MAN1A2: variants seen among roughly 807,000 people sequenced by gnomAD.
MAN1A2 encodes mannosidase alpha class 1A member 2, also known as mannosyl-oligosaccharide 1,2-alpha-mannosidase IB.
In MAN1A2, 26 loss-of-function variants were observed where a neutral mutation model predicts 75.7. The observed-to-expected ratio is 0.34, with a 90% CI of 0.25 to 0.48. The LOEUF (loss-of-function observed/expected upper bound fraction) is 0.48, where lower values mean the gene tolerates loss of function less well. MAN1A2 is among the 20% of genes least tolerant of loss of function. The pLI is 0.99. For synonymous variants in MAN1A2, 247 were observed against 264.6 expected (o/e 0.93, Z 0.65); for missense variants, 562 against 775.5 (o/e 0.72, Z 3.27).
chr1:117,500,719 T>C (rs1651174571), intron 11 of MAN1A2, among the ~76,000 whole-genome samples: 1 of 151,858 alleles, frequency 6.6e-6, no homozygotes, highest in East Asian at 1.9e-4. Context: ...CTGCTTTTCC[T>C]TGGCCCCTTG....
rs1008924624 is a variant in MAN1A2, at chr1:117,526,504, G to A, written c.*3547G>A. 7 of 151,602 alleles carry A rather than the reference G, an allele frequency of 4.6e-5. No homozygotes were observed. The highest frequency in any genetic ancestry group is 1.0e-4 in the Non-Finnish European group (7 of 67,724). The allele number at this position is 151,602 out of a possible 1,614,324, so 9.4% of individuals were successfully genotyped here. On this transcript the variant is annotated 3_prime_UTR_variant, in exon 13 of 13. Coordinates refer to ENST00000356554, the MANE Select transcript of MAN1A2 (RefSeq NM_006699.5). ...TCTTGAAAATGTCAAAGAAATACTT[G>A]ATTTCTGATGCAACTTTGACTAAAA...
At chr1:117,460,364 A>G in intron 6 of MAN1A2, 125 bp from the exon 7 acceptor site, 1 of 561,384 alleles carries the variant, frequency 1.8e-6, no homozygotes, top group Non-Finnish European at 3.0e-6. Flanking sequence ...TTTTAGATAT[A>G]AATAAGCTAT....
At chr1:117,458,510 TAGA>T (rs1649691310) in intron 6 of MAN1A2, among the ~76,000 whole-genome samples, 9 of 95,330 alleles carry the variant, frequency 9.4e-5, no homozygotes, top group South Asian at 3.8e-4. Context: ...TATATATATA[TAGA>T]TATATATATA....
chr1:117,488,815 ATTAC>A (rs1363047452), intron 8 of MAN1A2, among the ~76,000 whole-genome samples: 1 of 152,106 alleles, frequency 6.6e-6, no homozygotes, highest in African/African-American at 2.4e-5. Context: ...TCCCCCATTT[ATTAC>A]TTTCTACAAC....
chr1:117,518,892 C>T (rs773652429), intron 12 of MAN1A2, among the ~76,000 whole-genome samples: 53 of 152,024 alleles, frequency 3.5e-4, no homozygotes, highest in Middle Eastern at 3.2e-3. Flanking sequence ...ACATTCTATT[C>T]AAGAGTGCAT....
Position 117,424,097 on chromosome 1 carries a change from T to A in MAN1A2, c.855+3448T>A, listed in dbSNP as rs116704443. Among the ~76,000 whole-genome samples the A allele has an allele frequency of 4.6e-3, 699 of 152,290 alleles. 7 individuals are homozygous for A. The highest frequency in any genetic ancestry group is 0.016 in the African/African-American group (666 of 41,540). On this transcript the variant is annotated intron_variant, in intron 5 of 12. Transcript: ENST00000356554. ...AGCTTTAAAATATACTTTAATAGAT[T>A]CTTCAGGATTTACCTTATAAACAAT...
chr1:117,441,494 G>GTT (rs2101812433), intron 5 of MAN1A2, among the ~76,000 whole-genome samples: 1 of 152,230 alleles, frequency 6.6e-6, no homozygotes, highest in East Asian at 1.9e-4. Context: ...TTATGACCCA[G>GTT]TCACAGTTTG....
intron 1 of MAN1A2, among the ~76,000 whole-genome samples, chr1:117,376,878 C>T (rs778267572): frequency 4.6e-5 from 7 of 152,126 alleles, no homozygotes; most frequent in Non-Finnish European, 1.0e-4. Context: ...ATTGCATTTA[C>T]ATTATATTAG....
At chr1:117,375,079 G>A (rs914246441) in intron 1 of MAN1A2, among the ~76,000 whole-genome samples, 2 of 152,016 alleles carry the variant, frequency 1.3e-5, no homozygotes, top group Non-Finnish European at 2.9e-5. Flanking sequence ...TGAATGTAGT[G>A]GGTATATTTA....
At position 117,526,601 on chromosome 1, in the gene MAN1A2, T is replaced by C. The variant is rs915565479; in HGVS notation, c.*3644T>C. 6 of 151,358 alleles carry C rather than the reference T, an allele frequency of 4.0e-5. No individual in the cohort carries two copies. The highest frequency in any genetic ancestry group is 1.2e-4 in the African/African-American group (5 of 41,350). 9.4% of individuals were successfully genotyped at this position (151,358 alleles called of 1,614,324 possible). On this transcript the variant is annotated 3_prime_UTR_variant, in exon 13 of 13. Transcript: ENST00000356554. Reference sequence around the variant, plus strand: ...AATTGCATAATTAAAAAGCAGTGTTTTATAGAAATGCTGGTTATTTTATAT... The same window carrying C: ...AATTGCATAATTAAAAAGCAGTGTTCTATAGAAATGCTGGTTATTTTATAT...
intron 8 of MAN1A2, among the ~76,000 whole-genome samples, chr1:117,474,998 T>C (rs1170531029): frequency 6.6e-6 from 1 of 152,014 alleles, no homozygotes; most frequent in Non-Finnish European, 1.5e-5. Context: ...TTGAGATTGA[T>C]CTATGTTGTG....
chr1:117,369,377 C>T (rs1652876217), intron 1 of MAN1A2, among the ~76,000 whole-genome samples: 2 of 152,100 alleles, frequency 1.3e-5, no homozygotes, highest in African/African-American at 4.8e-5. Context: ...TTTTCTTAAA[C>T]CTGCCATCTT....
At chr1:117,369,043 C>CT (rs759491054) in intron 1 of MAN1A2, among the ~76,000 whole-genome samples, 3 of 151,950 alleles carry the variant, frequency 2.0e-5, no homozygotes, top group Non-Finnish European at 2.9e-5. Flanking sequence ...GATTTTTGTT[C>CT]TTTTTTTGGG....
chr1:117,417,562 A>C (rs1395469674), intron 4 of MAN1A2, among the ~76,000 whole-genome samples: 1 of 43,892 alleles, frequency 2.3e-5, no homozygotes, highest in Non-Finnish European at 4.5e-5. Flanking sequence ...TATATATGTG[A>C]TATATATGTT....
rs1009300216 is a variant in MAN1A2, at chr1:117,428,651, G to C, written c.855+8002G>C. ...CTAAAAAAGACACACTTAATAGAGA[G>C]GTTGAAAGTAAATGAATGGGAAAAA... On this transcript the variant is annotated intron_variant, in intron 5 of 12. Coordinates refer to ENST00000356554, the MANE Select transcript of MAN1A2 (RefSeq NM_006699.5). Among the ~76,000 whole-genome samples, 3 of 152,014 alleles carry C rather than the reference G, an allele frequency of 2.0e-5. No individual in the cohort carries two copies. In the South Asian group the frequency reaches 6.2e-4, roughly 32 times the overall value.
intron 11 of MAN1A2, among the ~76,000 whole-genome samples, chr1:117,499,768 T>C (rs1651142101): frequency 6.7e-6 from 1 of 148,292 alleles, no homozygotes; most frequent in South Asian, 2.1e-4. Flanking sequence ...ATTAAAAATA[T>C]ATAAATATAT....
At chr1:117,429,684 C>T (rs1478869858) in intron 5 of MAN1A2, among the ~76,000 whole-genome samples, 31 of 102,198 alleles carry the variant, frequency 3.0e-4, no homozygotes, top group Non-Finnish European at 4.9e-4. Context: ...ACCTCCTGGA[C>T]GGGGTGGCTG....
chr1:117,448,182 A>G (rs1388138268), intron 6 of MAN1A2, among the ~76,000 whole-genome samples: 1 of 152,092 alleles, frequency 6.6e-6, no homozygotes, highest in Non-Finnish European at 1.5e-5. Context: ...CCTTGCGGCA[A>G]TTCTGAACGG....
intron 8 of MAN1A2, among the ~76,000 whole-genome samples, chr1:117,486,901 TAA>T (rs1037482664): frequency 2.6e-5 from 4 of 151,470 alleles, no homozygotes; most frequent in African/African-American, 9.7e-5. Context: ...AACAAACAAA[TAA>T]AAAAAAGACT....
Sources: gnomAD v4.1 joint callset for allele counts (sites outside exome capture counted in the v4.1 genomes callset) on GRCh38, gnomAD v4.1.1 for gene constraint, MANE v1.5 for transcripts, NCBI Gene and HGNC (gene_info 2026-07-23, HGNC 2026-07-21) for gene names.